Variants in TAFA2 observed in about 807,000 individuals in gnomAD.
The protein encoded by TAFA2 is TAFA chemokine like family member 2.
TAFA2 carries 7 observed loss-of-function variants against 18.8 expected under a neutral mutation model. The observed-to-expected ratio is 0.37, with a 90% confidence interval of 0.21 to 0.70. The LOEUF is 0.70. TAFA2 is among the 30% of genes least tolerant of loss of function. The pLI is 0.53. For synonymous variants in TAFA2, 60 were observed against 54.2 expected (o/e 1.11, Z -0.47); for missense variants, 122 against 158.1 (o/e 0.77, Z 1.23).
At chr12:61,864,132 A>C (rs1471459607) in intron 2 of TAFA2, among the ~76,000 whole-genome samples, 1 of 152,144 alleles carries the variant, frequency 6.6e-6, no homozygotes, top group Admixed American at 6.5e-5. Flanking sequence ...CCTAAGACTC[A>C]TGTCATACGC....
intron 1 of TAFA2, among the ~76,000 whole-genome samples, chr12:62,127,871 A>C (rs1211536496): frequency 6.6e-6 from 1 of 152,194 alleles, no homozygotes; most frequent in South Asian, 2.1e-4. Flanking sequence ...TACCAAGTAC[A>C]TAGTAAGTAC....
At chr12:61,802,420 T>C (rs1206254263) in intron 2 of TAFA2, among the ~76,000 whole-genome samples, 1 of 152,078 alleles carries the variant, frequency 6.6e-6, no homozygotes, top group Admixed American at 6.6e-5. Context: ...TGGAATATTA[T>C]ACAGCCACAA....
At position 62,112,321 on chromosome 12, in the gene TAFA2, C is replaced by T. The variant is rs190055849; in HGVS notation, c.-2+78938G>A. ...AAGAATGTTGAATATTGGCTCCACT[C>T]TCTTCTGGCTTGTAGGGTTTCTGCA... On this transcript the variant is annotated intron_variant, in intron 1 of 4. Transcript: ENST00000416284. 7.4e-4 allele frequency among the ~76,000 whole-genome samples: 113 copies of T among 152,294 alleles called. 2 individuals are homozygous for T. In the East Asian group the frequency reaches 0.013, roughly 17 times the overall value.
At chr12:61,777,293 A>G (rs1790174012) in intron 2 of TAFA2, among the ~76,000 whole-genome samples, 1 of 151,900 alleles carries the variant, frequency 6.6e-6, no homozygotes, top group African/African-American at 2.4e-5. Context: ...CTCATCTGCA[A>G]ATCAAGAATA....
At chr12:61,875,009 C>G (rs1269626561) in intron 1 of TAFA2, among the ~76,000 whole-genome samples, 3 of 152,084 alleles carry the variant, frequency 2.0e-5, no homozygotes, top group African/African-American at 7.2e-5. Context: ...AGGTCCTTCT[C>G]TCAGAGCATG....
intron 2 of TAFA2, among the ~76,000 whole-genome samples, chr12:61,816,145 GT>G (rs1252591014): frequency 6.6e-6 from 1 of 151,182 alleles, no homozygotes; most frequent in Non-Finnish European, 1.5e-5. Flanking sequence ...GTTCCCAATA[GT>G]TGTCTTTTCC....
chr12:61,855,718 T>C (rs891220364), intron 2 of TAFA2, among the ~76,000 whole-genome samples: 2 of 152,032 alleles, frequency 1.3e-5, no homozygotes, highest in African/African-American at 4.8e-5. Flanking sequence ...AAAAATCACA[T>C]TAGTAGAAAT....
intron 1 of TAFA2, among the ~76,000 whole-genome samples, chr12:62,248,601 G>T (rs1235518806): frequency 6.6e-6 from 1 of 152,084 alleles, no homozygotes; most frequent in Non-Finnish European, 1.5e-5. Flanking sequence ...AATTATTGTT[G>T]ACTATAGGTA....
intron 1 of TAFA2, among the ~76,000 whole-genome samples, chr12:62,018,797 T>C (rs1881022534): frequency 6.6e-6 from 1 of 152,238 alleles, no homozygotes; most frequent in East Asian, 1.9e-4. Context: ...ACAAAAGCAA[T>C]GGCAACAAAA....
chr12:61,740,867 A>AT (rs35357496), intron 4 of TAFA2, among the ~76,000 whole-genome samples: 2 of 151,698 alleles, frequency 1.3e-5, no homozygotes, highest in African/African-American at 4.8e-5. Flanking sequence ...AAAAAAAAAA[A>AT]TGCCATAATA....
At chr12:62,209,706 T>C (rs1465209275) in intron 1 of TAFA2, among the ~76,000 whole-genome samples, 1 of 152,240 alleles carries the variant, frequency 6.6e-6, no homozygotes, top group Non-Finnish European at 1.5e-5. Flanking sequence ...ACTGAACTAT[T>C]TAACTGCACT....
intron 1 of TAFA2, among the ~76,000 whole-genome samples, chr12:62,066,335 A>G (rs348652): frequency 0.42 from 63,170 of 151,658 alleles, 13,555 homozygotes; most frequent in African/African-American, 0.5. Flanking sequence ...TAAGTGTCCA[A>G]TTAAATTATT....
intron 4 of TAFA2, among the ~76,000 whole-genome samples, chr12:61,715,974 A>G (rs1051116438): frequency 6.6e-6 from 1 of 152,130 alleles, no homozygotes; most frequent in African/African-American, 2.4e-5. Flanking sequence ...TTGATGTTCC[A>G]TGAAGGTAGG....
chr12:61,949,770 T>A (rs1229379971), intron 1 of TAFA2, among the ~76,000 whole-genome samples: 3 of 152,176 alleles, frequency 2.0e-5, no homozygotes, highest in Non-Finnish European at 4.4e-5. Flanking sequence ...TCATGTACTT[T>A]TATTCTAGGA....
chr12:62,216,183 C>A (rs1346527503), intron 1 of TAFA2, among the ~76,000 whole-genome samples: 1 of 152,176 alleles, frequency 6.6e-6, no homozygotes, highest in Non-Finnish European at 1.5e-5. Flanking sequence ...CAAGTGCTAT[C>A]CAATTGCGGG....
chr12:61,877,964 C>T (rs1021537764), intron 1 of TAFA2: 1 of 432,270 alleles, frequency 2.3e-6, no homozygotes, highest in Non-Finnish European at 4.6e-6. Flanking sequence ...TATATACACA[C>T]ACAGTGGAAT....
chr12:62,127,447 G>A (rs988184671), intron 1 of TAFA2, among the ~76,000 whole-genome samples: 1 of 151,826 alleles, frequency 6.6e-6, no homozygotes, highest in African/African-American at 2.4e-5. Flanking sequence ...TTTCAGTATT[G>A]AATTGCTATC....
chr12:61,728,366 C>A (rs1405667335), intron 4 of TAFA2, among the ~76,000 whole-genome samples: 1 of 151,914 alleles, frequency 6.6e-6, no homozygotes, highest in Non-Finnish European at 1.5e-5. Flanking sequence ...TGTCTCATTT[C>A]TTAGGTCTAG....
chr12:62,011,786 A>G (rs1880779939), intron 1 of TAFA2, among the ~76,000 whole-genome samples: 1 of 151,544 alleles, frequency 6.6e-6, no homozygotes, highest in Non-Finnish European at 1.5e-5. Flanking sequence ...AAACTGTAGT[A>G]TAAGGTAGCC....
Sources: allele counts gnomAD v4.1 joint callset (sites outside exome capture counted in the v4.1 genomes callset), GRCh38; gene constraint gnomAD v4.1.1; transcripts MANE v1.5; gene names NCBI Gene and HGNC (gene_info 2026-07-23, HGNC 2026-07-21).